Variants in LRMDA observed in about 807,000 individuals in gnomAD.
LRMDA encodes the protein leucine rich melanocyte differentiation associated.
LRMDA carries 18 observed loss-of-function variants against 29.8 expected under a neutral mutation model. That is an observed-to-expected ratio of 0.60 (90% CI 0.42 to 0.90). The LOEUF is 0.90. Among genes scored for constraint, LRMDA ranks in the 40% least tolerant of loss-of-function variants. LRMDA has a pLI of 0.00. For missense variants in LRMDA, 273 were observed against 273.9 expected (o/e 1.00, Z 0.02); for synonymous variants, 125 against 109.4 (o/e 1.14, Z -0.89).
intron 6 of LRMDA, among the ~76,000 whole-genome samples, chr10:76,392,472 A>C (rs964163024): frequency 5.3e-5 from 8 of 152,002 alleles, no homozygotes; most frequent in South Asian, 4.2e-4. Flanking sequence ...TGGATTTCAC[A>C]TTTTTTGGGA....
chr10:76,218,848 C>T (rs1851775687), intron 5 of LRMDA, among the ~76,000 whole-genome samples: 1 of 152,160 alleles, frequency 6.6e-6, no homozygotes, highest in African/African-American at 2.4e-5. Flanking sequence ...TGATAGGGTT[C>T]CTTTCTTGTG....
chr10:76,116,513 G>T (rs1184503356), intron 5 of LRMDA, among the ~76,000 whole-genome samples: 1 of 152,086 alleles, frequency 6.6e-6, no homozygotes, highest in Admixed American at 6.5e-5. Context: ...GAGTCTGTTG[G>T]TAGGAAGCCT....
chr10:75,791,708 C>A (rs1039838226), intron 2 of LRMDA, among the ~76,000 whole-genome samples: 1 of 152,148 alleles, frequency 6.6e-6, no homozygotes, highest in Non-Finnish European at 1.5e-5. Context: ...GCCCTTCCGG[C>A]CTCTCCATTA....
At chr10:75,505,380 T>G (rs895675972) in intron 2 of LRMDA, among the ~76,000 whole-genome samples, 1 of 152,116 alleles carries the variant, frequency 6.6e-6, no homozygotes, top group African/African-American at 2.4e-5. Flanking sequence ...AGAAGTTGCT[T>G]ACATCCCAAG....
intron 6 of LRMDA, among the ~76,000 whole-genome samples, chr10:76,515,904 T>G (rs1843056164): frequency 6.6e-6 from 1 of 152,076 alleles, no homozygotes; most frequent in Non-Finnish European, 1.5e-5. Context: ...GGAGAAAACT[T>G]AAGAAAAATG....
chr10:76,125,456 C>G (rs1849862533), intron 5 of LRMDA, among the ~76,000 whole-genome samples: 1 of 152,154 alleles, frequency 6.6e-6, no homozygotes, highest in South Asian at 2.1e-4. Context: ...TTGGAAGTTG[C>G]ATGTACTAAT....
At chr10:76,468,295 A>G (rs1842583986) in intron 6 of LRMDA, among the ~76,000 whole-genome samples, 1 of 152,210 alleles carries the variant, frequency 6.6e-6, no homozygotes, top group South Asian at 2.1e-4. Context: ...GTCAAAATTT[A>G]TTTCTTCAGG....
chr10:76,078,907 T>G (rs921440536), intron 5 of LRMDA, among the ~76,000 whole-genome samples: 1 of 152,224 alleles, frequency 6.6e-6, no homozygotes, highest in African/African-American at 2.4e-5. Context: ...TTCTCACCCA[T>G]TGGCTAGTTT....
intron 2 of LRMDA, among the ~76,000 whole-genome samples, chr10:75,821,356 C>A (rs1844154367): frequency 6.6e-6 from 1 of 152,184 alleles, no homozygotes; most frequent in Non-Finnish European, 1.5e-5. Flanking sequence ...AAGATTGGTT[C>A]AACACACACA....
intron 2 of LRMDA, among the ~76,000 whole-genome samples, chr10:75,637,672 C>T (rs1467382594): frequency 6.6e-6 from 1 of 152,242 alleles, no homozygotes; most frequent in Non-Finnish European, 1.5e-5. Context: ...GGTTCCTAAG[C>T]TTTCAGAGAG....
chr10:76,324,292 A>G, intron 5 of LRMDA, 109 bp from the exon 6 acceptor site: 3 of 938,284 alleles, frequency 3.2e-6, no homozygotes, highest in East Asian at 2.4e-5. Flanking sequence ...ATCTTGGTGA[A>G]TAATATTTTC....
At chr10:76,278,837 C>A (rs1840167739) in intron 5 of LRMDA, among the ~76,000 whole-genome samples, 1 of 152,130 alleles carries the variant, frequency 6.6e-6, no homozygotes, top group Non-Finnish European at 1.5e-5. Context: ...TGCCCAACAT[C>A]TTTAAATAGT....
At chr10:75,812,739 G>A (rs905191328) in intron 2 of LRMDA, among the ~76,000 whole-genome samples, 2 of 152,086 alleles carry the variant, frequency 1.3e-5, no homozygotes, top group African/African-American at 4.8e-5. Flanking sequence ...TGTGTAGTCT[G>A]TGTTTCCTGG....
chr10:75,838,511 A>G (rs1844481227), intron 2 of LRMDA, among the ~76,000 whole-genome samples: 1 of 152,204 alleles, frequency 6.6e-6, no homozygotes, highest in African/African-American at 2.4e-5. Context: ...TCTAGCTGGC[A>G]TGCCAGCTGA....
intron 5 of LRMDA, among the ~76,000 whole-genome samples, chr10:76,059,655 T>C (rs1360342584): frequency 3.3e-5 from 5 of 152,228 alleles, no homozygotes; most frequent in Non-Finnish European, 7.3e-5. Context: ...CCTAGAAGTC[T>C]AGTTTATCCT....
chr10:75,763,582 T>C (rs1253840301), intron 2 of LRMDA, among the ~76,000 whole-genome samples: 1 of 152,242 alleles, frequency 6.6e-6, no homozygotes, highest in Admixed American at 6.5e-5. Flanking sequence ...AAGGATGATA[T>C]CGAGCAAAAC....
At chr10:76,074,223 G>A (rs536450990) in intron 5 of LRMDA, among the ~76,000 whole-genome samples, 1 of 152,154 alleles carries the variant, frequency 6.6e-6, no homozygotes, top group Non-Finnish European at 1.5e-5. Context: ...GAAGTTTTCA[G>A]CATGTGCTGT....
intron 5 of LRMDA, among the ~76,000 whole-genome samples, chr10:76,107,239 G>A (rs181199621): frequency 1.7e-4 from 26 of 152,298 alleles, no homozygotes; most frequent in Non-Finnish European, 2.6e-4. Flanking sequence ...ACTGCAGCTT[G>A]CAGGGCTTGG....
intron 2 of LRMDA, among the ~76,000 whole-genome samples, chr10:75,677,317 A>G (rs977869006): frequency 1.3e-5 from 2 of 152,178 alleles, no homozygotes; most frequent in African/African-American, 4.8e-5. Flanking sequence ...CATCTGATTT[A>G]ATTTCCTCAG....
Sources: allele counts gnomAD v4.1 joint callset (sites outside exome capture counted in the v4.1 genomes callset), GRCh38; gene constraint gnomAD v4.1.1; transcripts MANE v1.5; gene names NCBI Gene and HGNC (gene_info 2026-07-23, HGNC 2026-07-21).